Variants in FARS2 observed in about 807,000 individuals in gnomAD.
FARS2 encodes phenylalanine--tRNA ligase, mitochondrial.
A neutral mutation model predicts 46.4 loss-of-function variants in FARS2; 40 were observed. The observed-to-expected ratio is 0.86, with a 90% confidence interval of 0.67 to 1.12. The LOEUF is 1.12. FARS2 is among the 50% of genes most tolerant of loss of function. The pLI is 0.00. For missense variants in FARS2, 513 were observed against 567.9 expected (o/e 0.90, Z 0.98); for synonymous variants, 234 against 214.9 (o/e 1.09, Z -0.78).
At chr6:5,366,517 G>A (rs1328820485) in intron 1 of FARS2, among the ~76,000 whole-genome samples, 2 of 152,144 alleles carry the variant, frequency 1.3e-5, no homozygotes, top group East Asian at 3.9e-4. Context: ...GAGAATGTAA[G>A]CAGGGCTGAG....
At chr6:5,531,927 A>G (rs534066677) in intron 4 of FARS2, among the ~76,000 whole-genome samples, 1 of 152,348 alleles carries the variant, frequency 6.6e-6, no homozygotes, top group African/African-American at 2.4e-5. Context: ...CATGTCCATC[A>G]TTGTAACTAA....
intron 6 of FARS2, among the ~76,000 whole-genome samples, chr6:5,682,770 A>C (rs987131609): frequency 1.3e-5 from 2 of 152,252 alleles, no homozygotes; most frequent in Admixed American, 1.3e-4. Context: ...ACACTAAACT[A>C]AATAAGTGAA....
At chr6:5,517,554 G>A (rs1484900986) in intron 4 of FARS2, among the ~76,000 whole-genome samples, 1 of 151,894 alleles carries the variant, frequency 6.6e-6, no homozygotes, top group Non-Finnish European at 1.5e-5. Context: ...GGAGGTTGCA[G>A]GGAGCCAAGA....
chr6:5,699,097 G>A lies in FARS2; in HGVS notation c.1218-72194G>A, dbSNP rs186224695. On this transcript the variant is annotated intron_variant, in intron 6 of 6. Coordinates refer to ENST00000274680, the MANE Select transcript of FARS2 (RefSeq NM_006567.5). Reference sequence around the variant, plus strand: ...AGTTCACAGGGTCTTTGGGATCCTGGTAGGGCCTTTTACAAGCCCACCCCA... The same window carrying A: ...AGTTCACAGGGTCTTTGGGATCCTGATAGGGCCTTTTACAAGCCCACCCCA... Among the ~76,000 whole-genome samples the A allele has an allele frequency of 7.9e-5, 12 of 152,300 alleles. No individual in the cohort carries two copies. In the East Asian group the frequency reaches 2.1e-3, roughly 27 times the overall value.
chr6:5,315,749 T>TCTTTCTTTCTTTCTTC (rs1335102468), intron 1 of FARS2, among the ~76,000 whole-genome samples: 1 of 149,648 alleles, frequency 6.7e-6, no homozygotes, highest in African/African-American at 2.5e-5. Flanking sequence ...TTCCTTTCTT[T>TCTTTCTTTCTTTCTTC]CTTTCTTTCT....
At chr6:5,332,066 C>G (rs986410030) in intron 1 of FARS2, among the ~76,000 whole-genome samples, 1 of 152,084 alleles carries the variant, frequency 6.6e-6, no homozygotes, top group Non-Finnish European at 1.5e-5. Context: ...TAGTTTCAGA[C>G]AGGAAACTAA....
chr6:5,273,065 A>G (rs1354092103), intron 1 of FARS2, among the ~76,000 whole-genome samples: 1 of 152,188 alleles, frequency 6.6e-6, no homozygotes, highest in Admixed American at 6.5e-5. Flanking sequence ...CTTGATGTAC[A>G]CTTAACATTG....
chr6:5,487,185 C>G (rs540271884), intron 4 of FARS2, among the ~76,000 whole-genome samples: 38 of 152,332 alleles, frequency 2.5e-4, no homozygotes, highest in Middle Eastern at 3.4e-3. Flanking sequence ...AGGTGTTGTG[C>G]TGTTTCCCTG....
chr6:5,495,530 C>CA (rs1464729010), intron 4 of FARS2, among the ~76,000 whole-genome samples: 2 of 151,966 alleles, frequency 1.3e-5, no homozygotes, highest in African/African-American at 4.8e-5. Context: ...TGGAAAGGTG[C>CA]AAAAAAAGAA....
At chr6:5,470,693 AAAAC>A (rs1392609628) in intron 4 of FARS2, among the ~76,000 whole-genome samples, 2 of 152,204 alleles carry the variant, frequency 1.3e-5, no homozygotes, top group African/African-American at 2.4e-5. Context: ...ACTAAACTGA[AAAAC>A]AAAGTTGGAA....
At chr6:5,601,767 G>T (rs1247933380) in intron 5 of FARS2, among the ~76,000 whole-genome samples, 1 of 152,130 alleles carries the variant, frequency 6.6e-6, no homozygotes, top group Non-Finnish European at 1.5e-5. Flanking sequence ...TACACATGAA[G>T]TGGCTGGCAC....
rs550696565 is a variant in FARS2 at position 5,602,712 on chromosome 6, C to T, written c.1066-10457C>T. 2.7e-5 allele frequency among the ~76,000 whole-genome samples: 4 copies of T among 146,390 alleles called. No homozygotes were observed. The East Asian group carries it at 8.2e-4, about 30-fold the overall frequency. ...TTTAACCTTGGAAGGTGCATGGAGA[C>T]ATTTATATTTCATATACGGGGGCTA... On this transcript the variant is annotated intron_variant, in intron 5 of 6. Transcript: ENST00000274680.
At chr6:5,476,858 T>C (rs566343892) in intron 4 of FARS2, among the ~76,000 whole-genome samples, 2 of 151,986 alleles carry the variant, frequency 1.3e-5, no homozygotes, top group Admixed American at 6.5e-5. Flanking sequence ...TTGGGAGGAA[T>C]AGGATGTAGG....
At chr6:5,387,253 G>A (rs966127883) in intron 2 of FARS2, among the ~76,000 whole-genome samples, 1 of 152,236 alleles carries the variant, frequency 6.6e-6, no homozygotes, top group Non-Finnish European at 1.5e-5. Context: ...AGGAGACAGA[G>A]TGACGGGATA....
intron 6 of FARS2, among the ~76,000 whole-genome samples, chr6:5,743,803 G>C (rs1478247185): frequency 2.0e-5 from 3 of 152,218 alleles, no homozygotes; most frequent in Non-Finnish European, 4.4e-5. Context: ...ACTCTCCTTG[G>C]AGGAAGTTAA....
chr6:5,519,820 A>G (rs1176991660), intron 4 of FARS2, among the ~76,000 whole-genome samples: 2 of 152,202 alleles, frequency 1.3e-5, no homozygotes, highest in Non-Finnish European at 1.5e-5. Context: ...GCCTCACTGG[A>G]TGGCTTGCGG....
intron 5 of FARS2, among the ~76,000 whole-genome samples, chr6:5,552,356 T>G (rs1771418356): frequency 6.6e-6 from 1 of 152,180 alleles, no homozygotes; most frequent in African/African-American, 2.4e-5. Context: ...AACTTGTGGA[T>G]CCCCTGGCCA....
At chr6:5,405,190 A>C (rs1483250279) in intron 3 of FARS2, among the ~76,000 whole-genome samples, 1 of 152,158 alleles carries the variant, frequency 6.6e-6, no homozygotes. Context: ...CTTTACGCAC[A>C]TAGTCTGAAG....
chr6:5,250,138 C>G, the FARS2 span, among the ~76,000 whole-genome samples: 1 of 152,002 alleles, frequency 6.6e-6, no homozygotes, highest in Middle Eastern at 3.2e-3. Flanking sequence ...TATTCTCTAT[C>G]TTTATTTTCT....
Sources: allele counts gnomAD v4.1 joint callset (sites outside exome capture counted in the v4.1 genomes callset), GRCh38; gene constraint gnomAD v4.1.1; transcripts MANE v1.5; gene names NCBI Gene and HGNC (gene_info 2026-07-23, HGNC 2026-07-21).